NKAIN2: variants seen among roughly 807,000 people sequenced by gnomAD.
The protein encoded by NKAIN2 is sodium/potassium-transporting ATPase subunit beta-1-interacting protein 2.
NKAIN2 carries 14 observed loss-of-function variants against 32.6 expected under a neutral mutation model. That is an observed-to-expected ratio of 0.43 (90% CI 0.28 to 0.67). NKAIN2 has a LOEUF of 0.67. NKAIN2 is among the 30% of genes least tolerant of loss of function. The probability of loss-of-function intolerance (pLI) is 0.17; values close to 1 mark genes in which losing one functional copy is unlikely to be tolerated. For synonymous variants in NKAIN2, 80 were observed against 87.2 expected (o/e 0.92, Z 0.46); for missense variants, 198 against 258.3 (o/e 0.77, Z 1.60).
At chr6:123,902,176 G>A (rs569572912) in intron 1 of NKAIN2, among the ~76,000 whole-genome samples, 196 of 152,176 alleles carry the variant, frequency 1.3e-3, no homozygotes, top group Non-Finnish European at 2.4e-3. Flanking sequence ...CTTTATTAGG[G>A]GAGGAAGTAA....
At chr6:123,928,198 AT>A (rs1273373936) in intron 1 of NKAIN2, among the ~76,000 whole-genome samples, 3 of 152,180 alleles carry the variant, frequency 2.0e-5, no homozygotes, top group Admixed American at 1.3e-4. Context: ...GGAGCTAAAC[AT>A]TGAGTACTCA....
At chr6:124,268,159 G>C (rs959812558) in intron 1 of NKAIN2, among the ~76,000 whole-genome samples, 13 of 152,124 alleles carry the variant, frequency 8.5e-5, no homozygotes, top group Admixed American at 2.6e-4. Context: ...TACAATTCTA[G>C]TGATGAGAGC....
At chr6:124,301,616 C>T (rs1466069500) in intron 2 of NKAIN2, among the ~76,000 whole-genome samples, 1 of 152,142 alleles carries the variant, frequency 6.6e-6, no homozygotes, top group Non-Finnish European at 1.5e-5. Flanking sequence ...CAGAGCTGCC[C>T]AAGAATGAGA....
chr6:124,091,964 C>T (rs775257663), intron 1 of NKAIN2, among the ~76,000 whole-genome samples: 4 of 151,934 alleles, frequency 2.6e-5, no homozygotes, highest in Middle Eastern at 3.2e-3. Context: ...TTTCACCTAA[C>T]ACTATTCTCA....
chr6:124,274,021 G>T (rs961026349), intron 1 of NKAIN2, among the ~76,000 whole-genome samples: 10 of 152,140 alleles, frequency 6.6e-5, no homozygotes, highest in African/African-American at 1.9e-4. Context: ...TACCAGGAAG[G>T]CCTGCACTGT....
Position 124,811,587 on chromosome 6 carries a change from C to A in NKAIN2, c.536-6800C>A, listed in dbSNP as rs561559761. Among the ~76,000 whole-genome samples, 41 of 152,224 alleles carry A rather than the reference C, an allele frequency of 2.7e-4. 1 individual carries two copies. In the South Asian group the frequency reaches 8.5e-3, roughly 32 times the overall value. On this transcript the variant is annotated intron_variant, in intron 5 of 6. Transcript: ENST00000368417. Reference sequence around the variant, plus strand: ...GTTATTAAATTGATATGGCACTTGACTAACTTAAAATAATTGCACCTACAA... The same window carrying A: ...GTTATTAAATTGATATGGCACTTGAATAACTTAAAATAATTGCACCTACAA...
intron 1 of NKAIN2, among the ~76,000 whole-genome samples, chr6:123,884,883 CA>C (rs1190166703): frequency 1.1e-4 from 16 of 152,178 alleles, no homozygotes; most frequent in African/African-American, 3.9e-4. Context: ...GTCATTTTAA[CA>C]GTGTCTATAT....
intron 1 of NKAIN2, among the ~76,000 whole-genome samples, chr6:123,912,364 C>T (rs781098741): frequency 6.6e-6 from 1 of 151,976 alleles, no homozygotes; most frequent in Non-Finnish European, 1.5e-5. Flanking sequence ...ATTTATGGCA[C>T]ACTTTAGTCA....
chr6:124,234,135 T>A lies in NKAIN2; in HGVS notation c.55-48870T>A, dbSNP rs2114746278. Among the ~76,000 whole-genome samples the A allele has an allele frequency of 2.0e-5, 3 of 152,278 alleles. No individual in the cohort carries two copies. The Middle Eastern group carries it at 0.01, about 522-fold the overall frequency. On this transcript the variant is annotated intron_variant, in intron 1 of 6. Transcript: ENST00000368417. ...CTAGTTATTTACTCTTGGAAGTCTT[T>A]GCAGACTTACTTTTCAGCATCAAGA...
intron 1 of NKAIN2, among the ~76,000 whole-genome samples, chr6:123,934,877 A>T (rs1010270124): frequency 6.6e-6 from 1 of 151,704 alleles, no homozygotes; most frequent in African/African-American, 2.4e-5. Flanking sequence ...AAGTTGTAAA[A>T]TCTATTTTCT....
rs548712829 is a variant in NKAIN2, at chr6:124,104,179, T to G, written c.55-178826T>G. ...CTTCGCTCCCCTATTTCTCCAGACA[T>G]AGCAATATGAAACGGTGAAGAAATG... On this transcript the variant is annotated intron_variant, in intron 1 of 6. Coordinates refer to ENST00000368417, the MANE Select transcript of NKAIN2 (RefSeq NM_001040214.3). 4.6e-5 allele frequency among the ~76,000 whole-genome samples: 7 copies of G among 152,338 alleles called. No homozygotes were observed. The East Asian group carries it at 1.4e-3, about 29-fold the overall frequency.
intron 1 of NKAIN2, among the ~76,000 whole-genome samples, chr6:123,976,506 G>A (rs1003617284): frequency 4.7e-5 from 7 of 149,026 alleles, no homozygotes; most frequent in Non-Finnish European, 1.0e-4. Flanking sequence ...TGGCAGGCTG[G>A]AAACCCCAGA....
chr6:124,783,890 T>C (rs946720187), intron 4 of NKAIN2, among the ~76,000 whole-genome samples: 2 of 152,306 alleles, frequency 1.3e-5, no homozygotes, highest in East Asian at 1.9e-4. Flanking sequence ...TTAGAGCCTA[T>C]GAATTATGAA....
intron 4 of NKAIN2, among the ~76,000 whole-genome samples, chr6:124,699,342 T>C (rs1774654636): frequency 6.6e-6 from 1 of 152,082 alleles, no homozygotes; most frequent in Non-Finnish European, 1.5e-5. Context: ...GCAGCTCAGT[T>C]TGGAGGGGGA....
chr6:124,403,964 A>G (rs9491158), intron 3 of NKAIN2, among the ~76,000 whole-genome samples: 4,545 of 152,240 alleles, frequency 0.03, 219 homozygotes, highest in African/African-American at 0.1. Context: ...TTTAAAGCCT[A>G]TGCAAGTTAA....
intron 2 of NKAIN2, among the ~76,000 whole-genome samples, chr6:124,306,051 A>G (rs1270432363): frequency 1.3e-5 from 2 of 152,074 alleles, no homozygotes; most frequent in Non-Finnish European, 2.9e-5. Flanking sequence ...CTAACTCCAG[A>G]TTAGTTTATT....
intron 2 of NKAIN2, among the ~76,000 whole-genome samples, chr6:124,311,442 T>C (rs897268590): frequency 6.6e-6 from 1 of 152,142 alleles, no homozygotes; most frequent in African/African-American, 2.4e-5. Flanking sequence ...TTCCATTGTG[T>C]GGATATGCTT....
At chr6:124,741,288 G>A (rs914463160) in intron 4 of NKAIN2, among the ~76,000 whole-genome samples, 6 of 151,608 alleles carry the variant, frequency 4.0e-5, no homozygotes, top group Admixed American at 2.0e-4. Flanking sequence ...ATAGAAATTT[G>A]GGATTCATTA....
chr6:123,934,615 C>G (rs1396008539), intron 1 of NKAIN2, among the ~76,000 whole-genome samples: 1 of 151,892 alleles, frequency 6.6e-6, no homozygotes, highest in African/African-American at 2.4e-5. Flanking sequence ...AATGGCCATG[C>G]TAGGATCTAA....
Sources: allele counts gnomAD v4.1 joint callset (sites outside exome capture counted in the v4.1 genomes callset), GRCh38; gene constraint gnomAD v4.1.1; transcripts MANE v1.5; gene names NCBI Gene and HGNC (gene_info 2026-07-23, HGNC 2026-07-21).